Variants in SMC1A observed in about 807,000 individuals in gnomAD.
The protein encoded by SMC1A is structural maintenance of chromosomes 1A, also known as structural maintenance of chromosomes protein 1A.
A neutral mutation model predicts 94.5 loss-of-function variants in SMC1A; 4 were observed. The observed-to-expected ratio is 0.04, with a 90% CI of 0.02 to 0.10. The LOEUF (loss-of-function observed/expected upper bound fraction) is 0.10. Ranked by LOEUF, SMC1A falls within the 10% of genes least tolerant of loss-of-function variation. The pLI is 1.00. For synonymous variants in SMC1A, 345 were observed against 347.7 expected (o/e 0.99, Z 0.09); for missense variants, 304 against 989.0 (o/e 0.31, Z 9.29).
chrX:53,416,547 C>A (rs1318717004), intron 1 of SMC1A, among the ~76,000 whole-genome samples: 2 of 106,923 alleles, frequency 1.9e-5, no homozygotes, highest in African/African-American at 3.4e-5. Flanking sequence ...CACATCACCA[C>A]ACCCAGCTAA....
At chrX:53,390,721 G>A (rs1193115227) in intron 19 of SMC1A, among the ~76,000 whole-genome samples, 36 of 107,873 alleles carry the variant, frequency 3.3e-4, no homozygotes, top group African/African-American at 1.1e-3. Flanking sequence ...GGCCAGGCGC[G>A]GTGGCTCACA....
chrX:53,409,795 C>T (rs781843812), intron 7 of SMC1A, among the ~76,000 whole-genome samples: 2 of 112,098 alleles, frequency 1.8e-5, no homozygotes, highest in East Asian at 5.6e-4. Flanking sequence ...GCTTCACAGG[C>T]CTTTCTGTAC....
At chrX:53,386,721 A>G (rs1466216633) in intron 19 of SMC1A, among the ~76,000 whole-genome samples, 1 of 111,836 alleles carries the variant, frequency 8.9e-6, no homozygotes, top group Non-Finnish European at 1.9e-5. Flanking sequence ...TAGTCTTTCA[A>G]GTTTTCCATA....
intron 1 of SMC1A, among the ~76,000 whole-genome samples, chrX:53,421,274 GC>G (rs1188076515): frequency 4.5e-5 from 5 of 111,956 alleles, no homozygotes; most frequent in African/African-American, 1.6e-4. Flanking sequence ...TGATTGTCAT[GC>G]CTGGGGAGCA....
At chrX:53,410,947 T>G (rs1449604274) in intron 7 of SMC1A, among the ~76,000 whole-genome samples, 5 of 2,351 alleles carry the variant, frequency 2.1e-3, no homozygotes, top group African/African-American at 3.4e-3. Flanking sequence ...AAAAAAAAAG[T>G]AGCCAGGCAT....
chrX:53,415,467 C>T lies in SMC1A; in HGVS notation c.110-298G>A, dbSNP rs890904313. Among the ~76,000 whole-genome samples the T allele has an allele frequency of 7.2e-5, 8 of 110,426 alleles. No homozygotes were observed. The South Asian group carries it at 1.5e-3, about 21-fold the overall frequency. On this transcript the variant is annotated intron_variant, in intron 1 of 24. Transcript: ENST00000322213. ...CTTTGGGATGCCGAGGCAGGAAGAT[C>T]GCTTGAGGCCAGGAGTTTGAAACCA... is the stretch of plus-strand genomic sequence containing the variant.
chrX:53,399,505 T>C, intron 16 of SMC1A, 84 bp downstream of exon 16: 1 of 950,921 alleles, frequency 1.1e-6, no homozygotes, highest in African/African-American at 1.9e-5. Flanking sequence ...TTCTAAGTTG[T>C]GGACATTATC....
intron 19 of SMC1A, among the ~76,000 whole-genome samples, chrX:53,392,775 G>A (rs1253389860): frequency 4.5e-5 from 5 of 111,428 alleles, no homozygotes; most frequent in Non-Finnish European, 7.5e-5. Context: ...CATTCCTCTG[G>A]CACCAGTGTT....
Position 53,379,990 on chromosome X carries a change from A to C in SMC1A, c.*113T>G, listed in dbSNP as rs970492899. On this transcript the variant is annotated 3_prime_UTR_variant, in exon 25 of 25. Coordinates refer to ENST00000322213, the MANE Select transcript of SMC1A (RefSeq NM_006306.4). ...GCTTGATTAGCAGTGCCTAAATCCC[A>C]TGACTACACCAAAAAGGGCCAGGAG... 1 of 572,331 alleles carries C rather than the reference A, an allele frequency of 1.7e-6. No homozygotes were observed. The highest frequency in any genetic ancestry group is 3.1e-6 in the Non-Finnish European group (1 of 326,899). The allele number at this position is 572,331 out of a possible 1,213,427, so 47.2% of individuals were successfully genotyped here.
intron 19 of SMC1A, among the ~76,000 whole-genome samples, chrX:53,388,737 C>T (rs1402679299): frequency 1.8e-5 from 2 of 109,921 alleles, no homozygotes; most frequent in Non-Finnish European, 3.8e-5. Context: ...GTGGCTCACA[C>T]CTGTAATCCG....
chrX:53,406,708 CTT>C (rs1253405988), intron 9 of SMC1A, among the ~76,000 whole-genome samples: 2 of 111,123 alleles, frequency 1.8e-5, no homozygotes, highest in African/African-American at 3.3e-5. Context: ...TCTTTCTACT[CTT>C]TTTTGGAGAC....
chrX:53,398,502 ACAT>A (rs1172564427), intron 16 of SMC1A, among the ~76,000 whole-genome samples: 1 of 111,659 alleles, frequency 9.0e-6, no homozygotes, highest in African/African-American at 3.3e-5. Flanking sequence ...TTTCAGCAAA[ACAT>A]CATCATTTGT....
Position 53,403,549 on chromosome X carries a change from C to A in SMC1A, c.2420+17G>T, listed in dbSNP as rs1556889216. On this transcript the variant is annotated intron_variant, in intron 15 of 24. Transcript: ENST00000322213. Reference sequence around the variant, plus strand: ...CTCAAGGGCATGCCAATCTCTTCTACCAATCCTCCCACCTACCGCTTCTTG... The same window carrying A: ...CTCAAGGGCATGCCAATCTCTTCTAACAATCCTCCCACCTACCGCTTCTTG... 4 of 1,155,468 alleles carry A rather than the reference C, an allele frequency of 3.5e-6. No homozygotes were observed. The South Asian group carries it at 7.5e-5, about 22-fold the overall frequency.
chrX:53,380,585 G>A (rs1556885750), intron 24 of SMC1A, 35 bp downstream of exon 24: 1 of 906,027 alleles, frequency 1.1e-6, no homozygotes, highest in Admixed American at 2.2e-5. Context: ...ATCAGGCAGG[G>A]AGTAGGACTG....
Position 53,403,883 on chromosome X carries a change from T to C in SMC1A, c.2207A>G (p.Lys736Arg), listed in dbSNP as rs782713447. ...AAAGTTGGCTAGCTCACTCTCCAGC[T>C]TGGATTTTTCCTACAGGCAATGGGT... is the stretch of plus-strand genomic sequence containing the variant. ...HLALNLQEKS[K>R]LESELANFGP... Residue 736 changes from lysine (K) to arginine (R), a missense_variant, in exon 14 of 25, where the codon AAG becomes AGG. By Grantham distance (26) the Lys-to-Arg change is conservative. Transcript: ENST00000322213. 4 of 1,203,805 alleles carry C rather than the reference T, an allele frequency of 3.3e-6. No individual in the cohort carries two copies. Among genetic ancestry groups the C allele is most frequent in the Non-Finnish European group, 4.5e-6 (4 of 888,218 alleles).
At chrX:53,390,981 A>C (rs2075626476) in intron 19 of SMC1A, among the ~76,000 whole-genome samples, 1 of 98,373 alleles carries the variant, frequency 1.0e-5, no homozygotes, top group African/African-American at 3.7e-5. Flanking sequence ...CTCAAAAAAA[A>C]AAAAAAAAAA....
intron 15 of SMC1A, among the ~76,000 whole-genome samples, chrX:53,402,126 G>C (rs1357694153): frequency 9.0e-6 from 1 of 111,421 alleles, no homozygotes; most frequent in Non-Finnish European, 1.9e-5. Flanking sequence ...CCTGAGGAAA[G>C]AAATACAGTC....
At chrX:53,382,147 A>G in intron 22 of SMC1A, 85 bp downstream of exon 22, 1 of 1,053,658 alleles carries the variant, frequency 9.5e-7, no homozygotes, top group Non-Finnish European at 1.3e-6. Context: ...TCACCTTCGC[A>G]GATCTCTGTG....
intron 9 of SMC1A, 122 bp downstream of exon 9, chrX:53,408,940 C>T (rs1379192786): frequency 7.6e-6 from 5 of 661,354 alleles, no homozygotes; most frequent in South Asian, 2.4e-5. Context: ...TAAACCTCTC[C>T]GAGCCTCATT....
Sources: allele counts gnomAD v4.1 joint callset (sites outside exome capture counted in the v4.1 genomes callset), GRCh38; gene constraint gnomAD v4.1.1; transcripts MANE v1.5; gene names NCBI Gene and HGNC (gene_info 2026-07-23, HGNC 2026-07-21).